The following RBFOX1 variants were observed in gnomAD, a reference collection of about 807,000 sequenced individuals.
The protein encoded by RBFOX1 is RNA binding fox-1 homolog 1, also known as RNA binding protein fox-1 homolog 1.
RBFOX1 carries 8 observed loss-of-function variants against 57.7 expected under a neutral mutation model. The ratio of observed to expected loss-of-function variants is 0.14; its 90% CI spans 0.08 to 0.25. The LOEUF (loss-of-function observed/expected upper bound fraction) is 0.25. Ranked by LOEUF, RBFOX1 falls within the 10% of genes least tolerant of loss-of-function variation. The pLI, the probability that RBFOX1 is intolerant of heterozygous loss-of-function variation, is 1.00. For missense variants in RBFOX1, 611 were observed against 548.5 expected (o/e 1.11, Z -1.14); for synonymous variants, 326 against 222.4 (o/e 1.47, Z -4.15).
chr16:7,316,409 T>A (rs763061943), intron 4 of RBFOX1, among the ~76,000 whole-genome samples: 1 of 152,244 alleles, frequency 6.6e-6, no homozygotes, highest in Non-Finnish European at 1.5e-5. Flanking sequence ...AGGCCCAGAA[T>A]GATTAAGTCA....
chr16:6,894,279 C>G (rs1467160182), intron 3 of RBFOX1, among the ~76,000 whole-genome samples: 2 of 152,192 alleles, frequency 1.3e-5, no homozygotes, highest in Admixed American at 6.5e-5. Flanking sequence ...CATAATATGT[C>G]TCTATTTCCA....
intron 1 of RBFOX1, among the ~76,000 whole-genome samples, chr16:5,319,189 A>G (rs1439995100): frequency 1.3e-5 from 2 of 152,172 alleles, no homozygotes; most frequent in Admixed American, 6.5e-5. Flanking sequence ...CTCTTATTGC[A>G]GAATAGGTCA....
At chr16:5,745,692 G>A (rs1381151419) in intron 3 of RBFOX1, among the ~76,000 whole-genome samples, 1 of 151,918 alleles carries the variant, frequency 6.6e-6, no homozygotes, top group Admixed American at 6.5e-5. Flanking sequence ...CTGATGGCCA[G>A]TGATGATGAG....
chr16:6,653,099 G>A lies in RBFOX1; in HGVS notation c.-63-1504G>A, dbSNP rs148988075. On this transcript the variant is annotated intron_variant, in intron 2 of 15. Coordinates refer to ENST00000550418, the MANE Select transcript of RBFOX1 (RefSeq NM_018723.4). Reference sequence around the variant, plus strand: ...CCTTGGGGCTTTGAACTTGCTCTTCGTTTGCCTGGGATGTTCTCTTCCCCA... The same window carrying A: ...CCTTGGGGCTTTGAACTTGCTCTTCATTTGCCTGGGATGTTCTCTTCCCCA... Among the ~76,000 whole-genome samples the A allele has an allele frequency of 2.2e-4, 34 of 151,838 alleles. No homozygotes were observed. The East Asian group carries it at 2.5e-3, about 11-fold the overall frequency.
Position 6,940,544 on chromosome 16 carries a change from A to G in RBFOX1, c.-15-111513A>G, listed in dbSNP as rs111750558. ...CTTTGAATGAAATTCCTCTAAATCT[A>G]ATTCATCCTCTTGGAGAGAAGCAAA... On this transcript the variant is annotated intron_variant, in intron 3 of 15. Transcript: ENST00000550418. Among the ~76,000 whole-genome samples, 964 of 152,232 alleles carry G rather than the reference A, an allele frequency of 6.3e-3. 16 individuals carry two copies. Among genetic ancestry groups the G allele is most frequent in the African/African-American group, 0.022 (909 of 41,536 alleles).
At chr16:6,282,656 G>A (rs2076513569) in intron 1 of RBFOX1, among the ~76,000 whole-genome samples, 1 of 151,994 alleles carries the variant, frequency 6.6e-6, no homozygotes, top group South Asian at 2.1e-4. Context: ...CTGTTCCTGT[G>A]TTAGTTTGCT....
At chr16:5,944,514 TA>T (rs1345808401) in intron 4 of RBFOX1, among the ~76,000 whole-genome samples, 1 of 152,084 alleles carries the variant, frequency 6.6e-6, no homozygotes, top group African/African-American at 2.4e-5. Context: ...GGCTTTGTAT[TA>T]AGCTACATCT....
chr16:6,796,474 A>C (rs961243047), intron 3 of RBFOX1, among the ~76,000 whole-genome samples: 2 of 152,134 alleles, frequency 1.3e-5, no homozygotes, highest in Non-Finnish European at 2.9e-5. Context: ...CTCTTCCACT[A>C]TATCATTTTC....
At chr16:7,567,474 CCTATGTATGGCCCT>C in intron 5 of RBFOX1, among the ~76,000 whole-genome samples, 1 of 40,500 alleles carries the variant, frequency 2.5e-5, no homozygotes, top group East Asian at 4.0e-4. Flanking sequence ...TATATATATC[CCTATGTATGGCCCT>C]ATATGTATAT....
chr16:6,132,731 T>A (rs1299664902), intron 1 of RBFOX1, among the ~76,000 whole-genome samples: 1 of 151,954 alleles, frequency 6.6e-6, no homozygotes, highest in African/African-American at 2.4e-5. Context: ...AAAAATAAGT[T>A]ATATCCCAGC....
chr16:5,861,486 A>T lies in RBFOX1; in HGVS notation c.319-5817A>T, dbSNP rs139899267. On this transcript the variant is annotated intron_variant, in intron 3 of 19. Transcript: ENST00000641259. ...TTTCACTCTGATTTTCTGAATATTC[A>T]CGTGGAAGAGATCTGTTATTCAATT... 1.1e-4 allele frequency among the ~76,000 whole-genome samples: 16 copies of T among 152,328 alleles called. 1 individual carries two copies. In the East Asian group the frequency reaches 3.1e-3, roughly 29 times the overall value.
Position 7,276,647 on chromosome 16 carries a change from TG to T in RBFOX1, c.27+224552del, listed in dbSNP as rs200808194. ...GAATTTCCTCACTCCTCCAAATTCC[TG>T]GGCAGGTTACCTCTCCCAACCTCAG... On this transcript the variant is annotated intron_variant, in intron 4 of 15. Coordinates refer to ENST00000550418, the MANE Select transcript of RBFOX1 (RefSeq NM_018723.4). Among the ~76,000 whole-genome samples the T allele has an allele frequency of 6.1e-3, 928 of 152,266 alleles. 5 individuals are homozygous for T. The highest frequency in any genetic ancestry group is 0.028 in the South Asian group (133 of 4,824).
chr16:7,148,307 A>C (rs138854820), intron 4 of RBFOX1, among the ~76,000 whole-genome samples: 27 of 152,178 alleles, frequency 1.8e-4, no homozygotes, highest in Non-Finnish European at 7.4e-5. Flanking sequence ...TTTCCTTTCA[A>C]TGTTGTTTAT....
At chr16:6,523,892 A>G (rs1475512970) in intron 2 of RBFOX1, among the ~76,000 whole-genome samples, 5 of 152,220 alleles carry the variant, frequency 3.3e-5, no homozygotes, top group Admixed American at 6.5e-5. Context: ...CATAATAGGT[A>G]TAGATACTTA....
intron 1 of RBFOX1, among the ~76,000 whole-genome samples, chr16:5,241,938 CA>C (rs58653312): frequency 0.038 from 5,532 of 144,426 alleles, 200 homozygotes; most frequent in African/African-American, 0.098. Flanking sequence ...TCGCATCTAC[CA>C]AAAAAAAAAA....
intron 5 of RBFOX1, among the ~76,000 whole-genome samples, chr16:7,565,272 C>T (rs1300532778): frequency 6.6e-6 from 1 of 152,010 alleles, no homozygotes; most frequent in East Asian, 1.9e-4. Context: ...GATTTTTCTT[C>T]CCCCGCCCGC....
chr16:7,369,365 G>A (rs1186690835), intron 4 of RBFOX1, among the ~76,000 whole-genome samples: 1 of 152,026 alleles, frequency 6.6e-6, no homozygotes, highest in African/African-American at 2.4e-5. Flanking sequence ...AGAAGCAAAG[G>A]CAGACAGATG....
At chr16:6,928,920 A>T (rs761068270) in intron 3 of RBFOX1, among the ~76,000 whole-genome samples, 1 of 152,166 alleles carries the variant, frequency 6.6e-6, no homozygotes, top group Non-Finnish European at 1.5e-5. Flanking sequence ...GTTGTCAGAT[A>T]TGGGGGCTTC....
At chr16:6,729,018 T>A (rs1031441998) in intron 3 of RBFOX1, among the ~76,000 whole-genome samples, 5 of 152,256 alleles carry the variant, frequency 3.3e-5, no homozygotes, top group African/African-American at 1.2e-4. Context: ...CAACAAATCA[T>A]ACGGGGATAA....
Sources: allele counts gnomAD v4.1 joint callset (sites outside exome capture counted in the v4.1 genomes callset), GRCh38; gene constraint gnomAD v4.1.1; transcripts MANE v1.5; gene names NCBI Gene and HGNC (gene_info 2026-07-23, HGNC 2026-07-21).